The following DOCK9 variants were observed in gnomAD, a reference collection of about 807,000 sequenced individuals.
DOCK9 encodes the protein dedicator of cytokinesis protein 9.
A neutral mutation model predicts 263.3 loss-of-function variants in DOCK9; 89 were observed. The observed-to-expected ratio is 0.34, with a 90% confidence interval of 0.28 to 0.40. The LOEUF is 0.40. DOCK9 is among the 10% of genes least tolerant of loss of function. The pLI is 1.00. For missense variants in DOCK9, 2,140 were observed against 2,603.4 expected (o/e 0.82, Z 3.87); for synonymous variants, 976 against 973.1 (o/e 1.00, Z -0.06).
At chr13:98,801,495 T>C (rs1375791574) in intron 49 of DOCK9, among the ~76,000 whole-genome samples, 5 of 152,142 alleles carry the variant, frequency 3.3e-5, no homozygotes, top group Non-Finnish European at 7.3e-5. Context: ...AAAAATCTGA[T>C]TAATATTGTT....
chr13:99,013,880 A>G (rs909453536), intron 1 of DOCK9, among the ~76,000 whole-genome samples: 3 of 152,174 alleles, frequency 2.0e-5, no homozygotes, highest in Non-Finnish European at 4.4e-5. Flanking sequence ...CTGCGTGCAG[A>G]AGAGGTCCCA....
chr13:98,843,904 A>C (rs923484526), intron 38 of DOCK9, among the ~76,000 whole-genome samples: 1 of 152,146 alleles, frequency 6.6e-6, no homozygotes, highest in Non-Finnish European at 1.5e-5. Context: ...CCATTCATTT[A>C]ATTTTTGTTT....
At chr13:99,007,039 C>T (rs1267508945) in intron 1 of DOCK9, among the ~76,000 whole-genome samples, 2 of 152,088 alleles carry the variant, frequency 1.3e-5, no homozygotes, top group Non-Finnish European at 2.9e-5. Flanking sequence ...CTTTAGTGAG[C>T]CAAGATTGCA....
intron 1 of DOCK9, among the ~76,000 whole-genome samples, chr13:99,063,348 G>A (rs2041278141): frequency 6.6e-6 from 1 of 152,230 alleles, no homozygotes; most frequent in African/African-American, 2.4e-5. Flanking sequence ...CAGCCTAGAA[G>A]GCCTCACCGA....
chr13:99,073,354 C>CTT (rs1234802950), intron 1 of DOCK9, among the ~76,000 whole-genome samples: 93 of 118,638 alleles, frequency 7.8e-4, no homozygotes, highest in Non-Finnish European at 1.2e-3. Flanking sequence ...CTCTCTTCTT[C>CTT]TTCTTTTCTC....
At chr13:98,987,465 C>T (rs1221407025) in intron 1 of DOCK9, among the ~76,000 whole-genome samples, 4 of 152,222 alleles carry the variant, frequency 2.6e-5, no homozygotes, top group Admixed American at 6.5e-5. Flanking sequence ...CTACAAAGAG[C>T]TAGGTCTTAA....
chr13:99,053,715 T>A (rs2040802827), intron 1 of DOCK9, among the ~76,000 whole-genome samples: 1 of 152,098 alleles, frequency 6.6e-6, no homozygotes, highest in African/African-American at 2.4e-5. Flanking sequence ...GAGGATCAGT[T>A]ACTGTAACCA....
Position 98,864,347 on chromosome 13 carries a change from A to G in DOCK9, c.3287-799T>C, listed in dbSNP as rs537473920. Among the ~76,000 whole-genome samples the G allele has an allele frequency of 1.4e-3, 218 of 152,342 alleles. 6 individuals carry two copies. In the South Asian group the frequency reaches 0.044, roughly 31 times the overall value. On this transcript the variant is annotated intron_variant, in intron 30 of 52. Coordinates refer to ENST00000682017, the MANE Select transcript of DOCK9 (RefSeq NM_001366683.2). ...GAAGGGTACATAAAAACAGCTAAAC[A>G]TCACTCTGAAGATAAAATACAATTT...
rs531715263 is a variant in DOCK9 at position 98,897,380 on chromosome 13, C to T, written c.1709+108G>A. ...GAAATGCTTCACGCTCATTTGCCAT[C>T]CCCTCTGATGTCTAAATCGAGCAAC... On this transcript the variant is annotated intron_variant, in intron 15 of 52. Coordinates refer to ENST00000682017, the MANE Select transcript of DOCK9 (RefSeq NM_001366683.2). The T allele has an allele frequency of 1.2e-4, 162 of 1,358,502 alleles. 1 individual carries two copies. In the South Asian group the frequency reaches 2.1e-3, roughly 18 times the overall value. The allele number at this position is 1,358,502 out of a possible 1,614,324, so 84.2% of individuals were successfully genotyped here.
intron 35 of DOCK9, among the ~76,000 whole-genome samples, chr13:98,851,955 T>C (rs987212859): frequency 4.6e-5 from 7 of 152,194 alleles, no homozygotes; most frequent in African/African-American, 1.2e-4. Flanking sequence ...GAGAAAAATA[T>C]ATTCTAAAAT....
intron 45 of DOCK9, among the ~76,000 whole-genome samples, chr13:98,818,348 T>C (rs888221410): frequency 2.6e-5 from 4 of 152,192 alleles, no homozygotes; most frequent in African/African-American, 9.6e-5. Flanking sequence ...ACACAATAAC[T>C]AAACATTGGA....
intron 1 of DOCK9, among the ~76,000 whole-genome samples, chr13:99,002,327 T>C (rs1363812019): frequency 1.3e-5 from 2 of 152,236 alleles, no homozygotes; most frequent in East Asian, 1.9e-4. Context: ...GGCTTGAACA[T>C]AAATTTCTCA....
chr13:98,881,000 T>C (rs2044663849), intron 25 of DOCK9, among the ~76,000 whole-genome samples: 1 of 152,242 alleles, frequency 6.6e-6, no homozygotes, highest in Non-Finnish European at 1.5e-5. Flanking sequence ...TTTTAAATTA[T>C]CACATAGTTG....
intron 1 of DOCK9, among the ~76,000 whole-genome samples, chr13:98,983,682 C>T (rs796731303): frequency 6.6e-6 from 1 of 150,574 alleles, no homozygotes; most frequent in Admixed American, 6.6e-5. Flanking sequence ...AGTGGCATGA[C>T]CTCGGCTCAC....
intron 30 of DOCK9, among the ~76,000 whole-genome samples, chr13:98,866,075 G>A (rs566190147): frequency 7.2e-5 from 11 of 152,144 alleles, no homozygotes; most frequent in Non-Finnish European, 1.6e-4. Context: ...ATATGCGGGT[G>A]CTTGGCTCAC....
intron 1 of DOCK9, among the ~76,000 whole-genome samples, chr13:98,999,316 A>ACACACACACACACTCACTCTCTCT: frequency 7.2e-6 from 1 of 138,292 alleles, no homozygotes; most frequent in African/African-American, 2.8e-5. Context: ...ACACACACAC[A>ACACACACACACACTCACTCTCTCT]CTCTCTCTCT....
chr13:99,068,830 G>A (rs557463227), intron 1 of DOCK9, among the ~76,000 whole-genome samples: 1 of 152,274 alleles, frequency 6.6e-6, no homozygotes, highest in Admixed American at 6.5e-5. Context: ...TAAATATCCT[G>A]TAAATTCTAG....
upstream of DOCK9, among the ~76,000 whole-genome samples, chr13:98,981,053 TG>T (rs1344417860): frequency 6.6e-6 from 1 of 151,824 alleles, no homozygotes; most frequent in Non-Finnish European, 1.5e-5. Flanking sequence ...GCAAGTAATT[TG>T]TTTTTTGTTT....
chr13:98,923,780 T>C (rs550129215), intron 4 of DOCK9, among the ~76,000 whole-genome samples: 2 of 152,296 alleles, frequency 1.3e-5, no homozygotes, highest in Admixed American at 1.3e-4. Context: ...CCAATACCAA[T>C]AAGCAGCTTA....
Sources: gnomAD v4.1 joint callset for allele counts (sites outside exome capture counted in the v4.1 genomes callset) on GRCh38, gnomAD v4.1.1 for gene constraint, MANE v1.5 for transcripts, NCBI Gene and HGNC (gene_info 2026-07-23, HGNC 2026-07-21) for gene names.